EYS: variants seen among roughly 807,000 people sequenced by gnomAD.
EYS encodes the protein EGF-like photoreceptor maintenance factor, also known as protein eyes shut homolog.
Under a neutral mutation model 282.1 loss-of-function variants are expected in EYS, and 250 were observed. The ratio of observed to expected loss-of-function variants is 0.89; its 90% confidence interval spans 0.80 to 0.98. The LOEUF is 0.98. Among genes scored for constraint, EYS ranks in the 50% least tolerant of loss-of-function variants. The probability of loss-of-function intolerance (pLI) is 0.00; values close to 1 mark genes in which losing one functional copy is unlikely to be tolerated. For missense variants in EYS, 4,016 were observed against 3,709.0 expected (o/e 1.08, Z -2.15); for synonymous variants, 1,355 against 1,282.9 (o/e 1.06, Z -1.20).
intron 11 of EYS, among the ~76,000 whole-genome samples, chr6:65,316,638 T>A (rs1769302191): frequency 6.6e-6 from 1 of 151,336 alleles, no homozygotes; most frequent in African/African-American, 2.4e-5. Flanking sequence ...CTAGCCCCTC[T>A]CCCCCTGGCA....
intron 22 of EYS, among the ~76,000 whole-genome samples, chr6:64,744,708 A>C (rs1252827232): frequency 2.0e-5 from 3 of 152,186 alleles, no homozygotes; most frequent in Non-Finnish European, 4.4e-5. Flanking sequence ...TACACTGAAA[A>C]AACAGTTCCC....
chr6:63,755,623 G>T (rs1013527129), intron 41 of EYS, among the ~76,000 whole-genome samples: 33 of 152,134 alleles, frequency 2.2e-4, no homozygotes, highest in East Asian at 3.9e-4. Context: ...GCTCTTTTTT[G>T]GTTCCCTATG....
At chr6:64,930,368 G>A (rs969483736) in intron 15 of EYS, among the ~76,000 whole-genome samples, 1 of 149,266 alleles carries the variant, frequency 6.7e-6, no homozygotes, top group Non-Finnish European at 1.5e-5. Flanking sequence ...CTTAAAGATA[G>A]ATATTGTGCC....
At chr6:65,669,517 G>A (rs2149831560) in intron 1 of EYS, among the ~76,000 whole-genome samples, 1 of 152,058 alleles carries the variant, frequency 6.6e-6, no homozygotes. Context: ...AGAATGCTTT[G>A]TCCTTCATGA....
At chr6:63,834,289 G>A (rs1771736941) in intron 36 of EYS, among the ~76,000 whole-genome samples, 1 of 152,122 alleles carries the variant, frequency 6.6e-6, no homozygotes, top group Non-Finnish European at 1.5e-5. Flanking sequence ...CAGAATGGGA[G>A]AAAATTTTTA....
intron 12 of EYS, among the ~76,000 whole-genome samples, chr6:65,169,694 T>C (rs948472718): frequency 5.9e-5 from 9 of 151,458 alleles, no homozygotes; most frequent in Non-Finnish European, 1.3e-4. Context: ...AGTCTATATA[T>C]ACTGACTTCT....
At chr6:65,559,997 G>T (rs4710526) in intron 2 of EYS, among the ~76,000 whole-genome samples, 113,125 of 150,208 alleles carry the variant, frequency 0.75, 43,433 homozygotes, top group African/African-American at 0.9. Flanking sequence ...TTTTTTCAAA[G>T]GATATTAAAG....
Position 63,864,347 on chromosome 6 carries a change from T to A in EYS, c.7067A>T (p.Asn2356Ile), listed in dbSNP as rs1310898517. ...CAGCCTTGGACACTCACAAAACAGA[T>A]TTTCATTATCACTGAGAAGGGAAAA... ...NNGTCISDNE[N>I]LFCECPRLYS... is the part of the protein sequence containing the mutation. The change falls in exon 36 of 43, where the codon AAT becomes ATT. Residue 2356 changes from asparagine to isoleucine, a missense_variant. Transcript: ENST00000503581. 1 of 1,549,814 alleles carries A rather than the reference T, an allele frequency of 6.5e-7. No homozygotes were observed. The highest frequency in any genetic ancestry group is 8.7e-7 in the Non-Finnish European group (1 of 1,146,054).
chr6:64,213,173 C>T lies in EYS; in HGVS notation c.6424+17419G>A, dbSNP rs1469916732. Among the ~76,000 whole-genome samples, 11 of 151,958 alleles carry T rather than the reference C, an allele frequency of 7.2e-5. 1 individual carries two copies. The highest frequency in any genetic ancestry group is 4.2e-4 in the South Asian group (2 of 4,810). On this transcript the variant is annotated intron_variant, in intron 31 of 42. Coordinates refer to ENST00000503581, the MANE Select transcript of EYS (RefSeq NM_001142800.2). Reference sequence around the variant, plus strand: ...ATACCTGTACAACAAACCCTCATGACGCAAGTTTACCTATGTAACAAACCT... The same window carrying T: ...ATACCTGTACAACAAACCCTCATGATGCAAGTTTACCTATGTAACAAACCT...
At chr6:64,151,352 TATATATATATA>T (rs1774721179) in intron 31 of EYS, among the ~76,000 whole-genome samples, 1 of 117,064 alleles carries the variant, frequency 8.5e-6, no homozygotes, top group African/African-American at 4.2e-5. Flanking sequence ...TATATATATA[TATATATATATA>T]ATTTTTTTTT....
chr6:64,321,000 C>A (rs1770199742), intron 29 of EYS, among the ~76,000 whole-genome samples: 1 of 151,632 alleles, frequency 6.6e-6, no homozygotes, highest in African/African-American at 2.4e-5. Context: ...CTTACTATTA[C>A]CCTGATTCCC....
chr6:64,651,149 A>AG (rs1365671168), intron 22 of EYS, among the ~76,000 whole-genome samples: 1 of 152,178 alleles, frequency 6.6e-6, no homozygotes, highest in Non-Finnish European at 1.5e-5. Flanking sequence ...CCTAAAAAAA[A>AG]GGTCCACATG....
At chr6:64,787,455 T>A (rs989216224) in intron 22 of EYS, among the ~76,000 whole-genome samples, 1 of 150,356 alleles carries the variant, frequency 6.7e-6, no homozygotes, top group South Asian at 2.1e-4. Context: ...AAAAACTTTG[T>A]TTTTTTTTCT....
At chr6:65,537,416 A>G (rs895307987) in intron 2 of EYS, among the ~76,000 whole-genome samples, 1 of 152,164 alleles carries the variant, frequency 6.6e-6, no homozygotes, top group Non-Finnish European at 1.5e-5. Flanking sequence ...AACCCTAAAC[A>G]TTAAACATTT....
In EYS at chr6:65,567,521, C is replaced by G. The variant is rs538898609; in HGVS notation, c.-332-71528G>C. ...AATGATGCAGCTTTTTAAATAAGGC[C>G]AGATGATCGCTGAATGTCTTCTAAT... On this transcript the variant is annotated intron_variant, in intron 2 of 42. Transcript: ENST00000503581. 2.6e-5 allele frequency among the ~76,000 whole-genome samples: 4 copies of G among 151,706 alleles called. No homozygotes were observed. In the East Asian group the frequency reaches 7.8e-4, roughly 29 times the overall value.
chr6:64,596,166 G>C (rs1766580792), intron 24 of EYS, among the ~76,000 whole-genome samples: 3 of 152,100 alleles, frequency 2.0e-5, no homozygotes, highest in African/African-American at 7.2e-5. Context: ...AGAAAGTGAT[G>C]AGGGATCCAC....
intron 34 of EYS, among the ~76,000 whole-genome samples, chr6:63,986,124 C>G (rs1005906111): frequency 1.3e-5 from 2 of 151,852 alleles, no homozygotes; most frequent in Non-Finnish European, 2.9e-5. Flanking sequence ...CATGAACAGA[C>G]ACTTTTCAAA....
chr6:64,550,533 T>G (rs1181584998), intron 26 of EYS, among the ~76,000 whole-genome samples: 2 of 152,140 alleles, frequency 1.3e-5, no homozygotes, highest in Non-Finnish European at 2.9e-5. Context: ...ACTGGAAGCA[T>G]TCCCTTTCAA....
chr6:65,563,282 G>T (rs1194185151), intron 2 of EYS, among the ~76,000 whole-genome samples: 1 of 151,844 alleles, frequency 6.6e-6, no homozygotes, highest in Non-Finnish European at 1.5e-5. Flanking sequence ...TATACAAGTT[G>T]CAAAATTAAA....
Sources: allele counts gnomAD v4.1 joint callset (sites outside exome capture counted in the v4.1 genomes callset), GRCh38; gene constraint gnomAD v4.1.1; transcripts MANE v1.5; gene names NCBI Gene and HGNC (gene_info 2026-07-23, HGNC 2026-07-21).